Variants in VANGL2 observed in about 807,000 individuals in gnomAD.
VANGL2 encodes vang-like protein 2.
Under a neutral mutation model 50.2 loss-of-function variants are expected in VANGL2, and 14 were observed. That is an observed-to-expected ratio of 0.28 (90% CI 0.18 to 0.44). The LOEUF is 0.44. Ranked by LOEUF, VANGL2 falls within the 20% of genes least tolerant of loss-of-function variation. The pLI is 1.00. For synonymous variants in VANGL2, 295 were observed against 297.2 expected (o/e 0.99, Z 0.08); for missense variants, 533 against 701.5 (o/e 0.76, Z 2.71).
At chr1:160,416,440 A>G (rs1651063685) in intron 3 of VANGL2, among the ~76,000 whole-genome samples, 2 of 152,108 alleles carry the variant, frequency 1.3e-5, no homozygotes, top group African/African-American at 4.8e-5. Context: ...CCTGGGCTGT[A>G]TGATGGGAAT....
At chr1:160,420,230 G>T (rs898110852) in intron 4 of VANGL2, among the ~76,000 whole-genome samples, 181 bp from the exon 5 acceptor site, 10 of 152,124 alleles carry the variant, frequency 6.6e-5, no homozygotes, top group African/African-American at 2.4e-4. Flanking sequence ...GGCAGGCCCA[G>T]CCCTGGGAAA....
intron 7 of VANGL2, among the ~76,000 whole-genome samples, chr1:160,424,619 CTT>C (rs1651389007): frequency 6.6e-6 from 1 of 152,180 alleles, no homozygotes; most frequent in Admixed American, 6.5e-5. Context: ...CTGGTCTTGG[CTT>C]TGTGTCATTT....
intron 1 of VANGL2, among the ~76,000 whole-genome samples, chr1:160,402,618 T>C (rs564128465): frequency 6.6e-6 from 1 of 152,088 alleles, no homozygotes; most frequent in Non-Finnish European, 1.5e-5. Context: ...GTGTCAAGCA[T>C]GATTGAGATG....
chr1:160,425,486 C>CTTTT lies in VANGL2; in HGVS notation c.*115_*118dup. Reference sequence around the variant, plus strand: ...TCCTGCCACCCTTCTTCTTCTTGCTCTTTTTTTTTTACTTGAATTAACGCA... The same window carrying CTTTT: ...TCCTGCCACCCTTCTTCTTCTTGCTCTTTTTTTTTTTTTTACTTGAATTAACGCA... On this transcript the variant is annotated 3_prime_UTR_variant, in exon 8 of 8. Coordinates refer to ENST00000368061, the MANE Select transcript of VANGL2 (RefSeq NM_020335.3). 5.1e-6 allele frequency: 4 copies of CTTTT among 782,574 alleles called. No individual in the cohort carries two copies. Among genetic ancestry groups the CTTTT allele is most frequent in the South Asian group, 2.1e-5 (1 of 47,316 alleles). 48.5% of individuals were successfully genotyped at this position (782,574 alleles called of 1,614,324 possible).
chr1:160,404,223 G>C (rs1650578650), intron 1 of VANGL2, among the ~76,000 whole-genome samples: 1 of 152,110 alleles, frequency 6.6e-6, no homozygotes, highest in East Asian at 1.9e-4. Context: ...GGGGATGGAG[G>C]GGCAAATAAG....
intron 1 of VANGL2, among the ~76,000 whole-genome samples, chr1:160,411,869 T>C (rs1650892944): frequency 6.6e-6 from 1 of 152,092 alleles, no homozygotes; most frequent in Non-Finnish European, 1.5e-5. Flanking sequence ...GGTTGGTGTG[T>C]GTGTGTGTGT....
chr1:160,402,219 G>A (rs1650495396), intron 1 of VANGL2, among the ~76,000 whole-genome samples: 1 of 152,168 alleles, frequency 6.6e-6, no homozygotes. Context: ...TTGGAAGATT[G>A]GCGGGGTCAG....
rs534253893 is a variant in VANGL2, at chr1:160,428,291, T to C, written c.*2913T>C. ...GGTGTCTGTCAGTCCGTCTGTCTTC[T>C]CTTTCCTCTGCCCTTCCCACAGGGC... On this transcript the variant is annotated 3_prime_UTR_variant, in exon 8 of 8. Transcript: ENST00000368061. 2.5e-4 allele frequency: 38 copies of C among 152,848 alleles called. No individual in the cohort carries two copies. Among genetic ancestry groups the C allele is most frequent in the African/African-American group, 8.2e-4 (34 of 41,574 alleles). 9.5% of individuals were successfully genotyped at this position (152,848 alleles called of 1,614,324 possible).
At chr1:160,416,027 G>A (rs768761338) in intron 2 of VANGL2, 35 bp from the exon 3 acceptor site, 1 of 1,614,074 alleles carries the variant, frequency 6.2e-7, no homozygotes, top group Non-Finnish European at 8.5e-7. Flanking sequence ...GTCCACCACT[G>A]GACTTTCTGT....
chr1:160,401,966 T>C (rs1357290339), intron 1 of VANGL2, among the ~76,000 whole-genome samples: 1 of 152,094 alleles, frequency 6.6e-6, no homozygotes, highest in Non-Finnish European at 1.5e-5. Context: ...GGGGTACCTC[T>C]AGACTCTGCA....
In VANGL2 at chr1:160,427,368, T is replaced by C. The variant is rs538537346; in HGVS notation, c.*1990T>C. 5.9e-5 allele frequency: 9 copies of C among 152,424 alleles called. No homozygotes were observed. Among genetic ancestry groups the C allele is most frequent in the African/African-American group, 2.2e-4 (9 of 41,462 alleles). The allele number at this position is 152,424 out of a possible 1,614,324, so 9.4% of individuals were successfully genotyped here. A position where few individuals can be genotyped will look rare whatever the true frequency, so the allele number is the denominator to read the frequency against. On this transcript the variant is annotated 3_prime_UTR_variant, in exon 8 of 8. Coordinates refer to ENST00000368061, the MANE Select transcript of VANGL2 (RefSeq NM_020335.3). ...GGATTTGGGATCTTAGTTGCTGCCC[T>C]AGGTTAGGGGCTGGGGAGTGTTTAT...
intron 1 of VANGL2, among the ~76,000 whole-genome samples, chr1:160,412,494 G>T (rs1449891120): frequency 6.6e-6 from 1 of 152,120 alleles, no homozygotes; most frequent in Non-Finnish European, 1.5e-5. Flanking sequence ...GGAGGAGTAG[G>T]CCAGTAGAAT....
At chr1:160,406,729 G>A (rs968020103) in intron 1 of VANGL2, among the ~76,000 whole-genome samples, 1 of 148,976 alleles carries the variant, frequency 6.7e-6, no homozygotes, top group Non-Finnish European at 1.5e-5. Flanking sequence ...CTAGGGAGGG[G>A]GTTCTGGTTT....
chr1:160,414,359 C>T (rs1186383144), intron 1 of VANGL2, among the ~76,000 whole-genome samples: 5 of 152,184 alleles, frequency 3.3e-5, no homozygotes, highest in Admixed American at 3.3e-4. Flanking sequence ...CTCTTTCCTG[C>T]CTTTGGCCTT....
At chr1:160,418,607 C>T (rs184525150) in intron 3 of VANGL2, among the ~76,000 whole-genome samples, 12 of 152,276 alleles carry the variant, frequency 7.9e-5, no homozygotes, top group Middle Eastern at 3.4e-3. Flanking sequence ...TCAGGTCCCA[C>T]GGTTTCTGGA....
intron 6 of VANGL2, among the ~76,000 whole-genome samples, chr1:160,423,813 G>A (rs527729948): frequency 1.3e-5 from 2 of 152,338 alleles, no homozygotes; most frequent in African/African-American, 4.8e-5. Flanking sequence ...GTTCCTAGTT[G>A]TCTCTCTGGG....
chr1:160,404,826 G>C (rs1425095601), intron 1 of VANGL2, among the ~76,000 whole-genome samples: 1 of 152,210 alleles, frequency 6.6e-6, no homozygotes, highest in East Asian at 1.9e-4. Context: ...AGGCCAACAG[G>C]AAGGGTCTTA....
intron 1 of VANGL2, among the ~76,000 whole-genome samples, chr1:160,406,052 A>G (rs1219976287): frequency 2.6e-5 from 4 of 152,232 alleles, no homozygotes; most frequent in Non-Finnish European, 4.4e-5. Flanking sequence ...ATTGTGTGCC[A>G]GAATCTGTAA....
In VANGL2 at chr1:160,423,202, G is replaced by A. The variant is rs183881780; in HGVS notation, c.1074-850G>A. On this transcript the variant is annotated intron_variant, in intron 6 of 7. Transcript: ENST00000368061. ...ATTATAGGCATGAGCCACCACACCC[G>A]GCCATCTATATGCTTTTAATGTAAA... 1.4e-3 allele frequency among the ~76,000 whole-genome samples: 213 copies of A among 152,174 alleles called. 1 individual carries two copies. The highest frequency in any genetic ancestry group is 4.9e-3 in the African/African-American group (202 of 41,528).
Sources: gnomAD v4.1 joint callset for allele counts (sites outside exome capture counted in the v4.1 genomes callset) on GRCh38, gnomAD v4.1.1 for gene constraint, MANE v1.5 for transcripts, NCBI Gene and HGNC (gene_info 2026-07-23, HGNC 2026-07-21) for gene names.